Variants in NCBP3 observed in about 807,000 individuals in gnomAD.
The protein encoded by NCBP3 is nuclear cap binding subunit 3.
A neutral mutation model predicts 75.7 loss-of-function variants in NCBP3; 20 were observed. The observed-to-expected ratio is 0.26, with a 90% CI of 0.19 to 0.38. The LOEUF is 0.38. Ranked by LOEUF, NCBP3 falls within the 10% of genes least tolerant of loss-of-function variation. NCBP3 has a pLI of 1.00. For missense variants in NCBP3, 678 were observed against 796.9 expected (o/e 0.85, Z 1.80); for synonymous variants, 293 against 290.5 (o/e 1.01, Z -0.09).
At chr17:3,844,621 C>T (rs1039634588) in intron 1 of NCBP3, among the ~76,000 whole-genome samples, 3 of 152,124 alleles carry the variant, frequency 2.0e-5, no homozygotes, top group East Asian at 1.9e-4. Flanking sequence ...GAGGCAGAGG[C>T]GGGCGGATCA....
At chr17:3,841,882 AT>A (rs1466492675) in intron 2 of NCBP3, among the ~76,000 whole-genome samples, 1 of 151,026 alleles carries the variant, frequency 6.6e-6, no homozygotes, top group African/African-American at 2.4e-5. Flanking sequence ...ATATATTTTT[AT>A]TTTTGCTTTT....
Position 3,818,635 on chromosome 17 carries a change from CTCTACA to C in NCBP3, c.1001-69_1001-64del. On this transcript the variant is annotated intron_variant, in intron 9 of 12. Transcript: ENST00000389005. The surrounding 1 kb of genome is among the most constrained non-coding windows in gnomAD (Gnocchi z 4.7). ...TAAAATTAACAAGTATGATTTTCTA[CTCTACA>C]TCGGTGACCTTTTTAAAAGGTGGGG... 1 of 1,527,280 alleles carries C rather than the reference CTCTACA, an allele frequency of 6.5e-7. No homozygotes were observed. Among genetic ancestry groups the C allele is most frequent in the Non-Finnish European group, 8.7e-7 (1 of 1,143,322 alleles). The allele number at this position is 1,527,280 out of a possible 1,614,324, so 94.6% of individuals were successfully genotyped here. A position where few individuals can be genotyped will look rare whatever the true frequency, so the allele number is the denominator to read the frequency against.
chr17:3,843,242 C>CTT (rs1491074086), intron 1 of NCBP3, 91 bp from the exon 2 acceptor site: 2 of 904,538 alleles, frequency 2.2e-6, no homozygotes, highest in African/African-American at 2.1e-5. Flanking sequence ...GTTCTTTTTT[C>CTT]CTTTTTTTTT....
chr17:3,813,697 G>A (rs377172832), intron 12 of NCBP3, among the ~76,000 whole-genome samples: 16 of 152,268 alleles, frequency 1.1e-4, no homozygotes, highest in Admixed American at 9.2e-4. Context: ...AGAGAAATAC[G>A]TGTTTAGAAT....
chr17:3,824,457 C>CGCG (rs1351301900), intron 7 of NCBP3: 3 of 144,968 alleles, frequency 2.1e-5, no homozygotes, highest in African/African-American at 8.3e-5. Flanking sequence ...TACATACACA[C>CGCG]ATACACGCGA....
At chr17:3,841,590 C>A (rs892494310) in intron 2 of NCBP3, among the ~76,000 whole-genome samples, 1 of 149,710 alleles carries the variant, frequency 6.7e-6, no homozygotes, top group Non-Finnish European at 1.5e-5. Flanking sequence ...TAAAAGATGA[C>A]CAATTCTCTC....
At chr17:3,821,132 G>T in intron 9 of NCBP3, 117 bp downstream of exon 9, 1 of 668,790 alleles carries the variant, frequency 1.5e-6, no homozygotes, top group Non-Finnish European at 2.6e-6. Context: ...TTGGCAGAGG[G>T]TGAGGGCAAG....
At chr17:3,819,559 C>CA (rs554652960) in intron 9 of NCBP3, among the ~76,000 whole-genome samples, 179 of 119,072 alleles carry the variant, frequency 1.5e-3, no homozygotes, top group East Asian at 2.8e-3. Flanking sequence ...GACTCTGTCT[C>CA]AAAAAAAAAA....
At chr17:3,839,428 A>G (rs2054028348) in intron 3 of NCBP3, among the ~76,000 whole-genome samples, 1 of 152,044 alleles carries the variant, frequency 6.6e-6, no homozygotes, top group South Asian at 2.1e-4. Flanking sequence ...GATCACGGCA[A>G]CCTCTGCCTC....
chr17:3,832,588 A>G (rs1379495912), intron 3 of NCBP3, among the ~76,000 whole-genome samples: 5 of 149,014 alleles, frequency 3.4e-5, no homozygotes, highest in Admixed American at 6.7e-5. Context: ...CCGAGATCGC[A>G]CGACTGCACT....
Position 3,812,431 on chromosome 17 carries a change from C to CA in NCBP3, c.*612dup, listed in dbSNP as rs1322882504. 34 of 832,752 alleles carry CA rather than the reference C, an allele frequency of 4.1e-5. No individual in the cohort carries two copies. The highest frequency in any genetic ancestry group is 4.8e-5 in the Non-Finnish European group (33 of 690,016). The allele number at this position is 832,752 out of a possible 1,614,324, so 51.6% of individuals were successfully genotyped here. ...TCAAGCTGACAGCACGTAAGAGGCC[C>CA]ATGCCATGAGCAATCCCCGAGGGAA... On this transcript the variant is annotated 3_prime_UTR_variant, in exon 13 of 13. Coordinates refer to ENST00000389005, the MANE Select transcript of NCBP3 (RefSeq NM_001114118.3).
intron 7 of NCBP3, 21 bp downstream of exon 7, chr17:3,824,921 A>G: frequency 7.7e-7 from 1 of 1,301,884 alleles, no homozygotes; most frequent in Non-Finnish European, 1.1e-6. Flanking sequence ...AATATAAAAC[A>G]ATACCAAATA....
chr17:3,836,808 T>G (rs1474587625), intron 3 of NCBP3, among the ~76,000 whole-genome samples: 1 of 152,028 alleles, frequency 6.6e-6, no homozygotes, highest in African/African-American at 2.4e-5. Flanking sequence ...GAGCTCATGC[T>G]CATAACCATG....
intron 12 of NCBP3, 83 bp downstream of exon 12, chr17:3,814,239 G>T: frequency 1.4e-6 from 2 of 1,440,210 alleles, no homozygotes; most frequent in South Asian, 1.3e-5. Flanking sequence ...CTTGCCTTCT[G>T]CTAAGAAAGT....
intron 9 of NCBP3, among the ~76,000 whole-genome samples, chr17:3,819,871 A>G (rs576713138): frequency 1.1e-4 from 16 of 152,228 alleles, no homozygotes; most frequent in Non-Finnish European, 1.9e-4. Context: ...TTTCCTTAAT[A>G]TGGATATAAA....
intron 4 of NCBP3, among the ~76,000 whole-genome samples, chr17:3,826,838 C>T (rs1454784377): frequency 6.6e-6 from 1 of 151,732 alleles, no homozygotes; most frequent in Non-Finnish European, 1.5e-5. Context: ...ACGGTGAAAC[C>T]CCGTCTCTAC....
At chr17:3,816,032 A>G in intron 11 of NCBP3, 84 bp downstream of exon 11, 1 of 1,352,504 alleles carries the variant, frequency 7.4e-7, no homozygotes, top group Non-Finnish European at 1.0e-6. Flanking sequence ...CACACATCGC[A>G]TGTTTTACTC....
chr17:3,842,625 G>T (rs1456975966), intron 2 of NCBP3, among the ~76,000 whole-genome samples: 2 of 152,114 alleles, frequency 1.3e-5, no homozygotes, highest in Non-Finnish European at 2.9e-5. Context: ...CACAAATGCT[G>T]CCTGTACCGT....
chr17:3,833,351 TG>T, intron 3 of NCBP3, among the ~76,000 whole-genome samples: 1 of 152,330 alleles, frequency 6.6e-6, no homozygotes, highest in Non-Finnish European at 1.5e-5. Flanking sequence ...TGACCTCAAG[TG>T]ATCTGTCTTG....
Sources: allele counts gnomAD v4.1 joint callset (sites outside exome capture counted in the v4.1 genomes callset), GRCh38; gene constraint gnomAD v4.1.1; non-coding constraint Gnocchi (gnomAD v3.1); transcripts MANE v1.5; gene names NCBI Gene and HGNC (gene_info 2026-07-23, HGNC 2026-07-21).